The following PDLIM5 variants were observed in gnomAD, a reference collection of about 807,000 sequenced individuals.
The protein encoded by PDLIM5 is PDZ and LIM domain 5, also known as PDZ and LIM domain protein 5.
Under a neutral mutation model 64.2 loss-of-function variants are expected in PDLIM5, and 34 were observed. The ratio of observed to expected loss-of-function variants is 0.53; its 90% confidence interval spans 0.40 to 0.71. The LOEUF (loss-of-function observed/expected upper bound fraction) is 0.71. PDLIM5 is among the 30% of genes least tolerant of loss of function. The probability of loss-of-function intolerance (pLI) is 0.00; values close to 1 mark genes in which losing one functional copy is unlikely to be tolerated. For missense variants in PDLIM5, 683 were observed against 733.6 expected (o/e 0.93, Z 0.80); for synonymous variants, 253 against 269.1 (o/e 0.94, Z 0.59).
chr4:94,611,616 A>G (rs994724253), intron 7 of PDLIM5, among the ~76,000 whole-genome samples: 2 of 152,200 alleles, frequency 1.3e-5, no homozygotes, highest in African/African-American at 4.8e-5. Context: ...GTTAAATATG[A>G]AGGTTTTGCT....
intron 9 of PDLIM5, among the ~76,000 whole-genome samples, chr4:94,644,259 C>T (rs1488371395): frequency 1.3e-5 from 2 of 152,184 alleles, no homozygotes; most frequent in Admixed American, 6.5e-5. Context: ...AGAGAAGTTA[C>T]GTATTTGTTT....
chr4:94,493,563 A>C (rs1225978085), intron 2 of PDLIM5, among the ~76,000 whole-genome samples: 1 of 152,154 alleles, frequency 6.6e-6, no homozygotes, highest in Non-Finnish European at 1.5e-5. Flanking sequence ...CTGAATAATA[A>C]TTTCTTGAAT....
chr4:94,524,463 T>C (rs930823033), intron 3 of PDLIM5, among the ~76,000 whole-genome samples: 4 of 151,954 alleles, frequency 2.6e-5, no homozygotes, highest in African/African-American at 9.7e-5. Flanking sequence ...CTAAGAATTC[T>C]TTCTGTTAGG....
At chr4:94,659,900 CTT>C (rs11424534) in intron 11 of PDLIM5, among the ~76,000 whole-genome samples, 4 of 140,994 alleles carry the variant, frequency 2.8e-5, no homozygotes, top group Non-Finnish European at 3.1e-5. Context: ...AAAAATTACA[CTT>C]TTTTTTTTTT....
At chr4:94,456,525 T>C (rs971871244) in intron 2 of PDLIM5, 36 of 714,354 alleles carry the variant, frequency 5.0e-5, no homozygotes, top group South Asian at 2.1e-4. Context: ...TGCTTTTTTT[T>C]GCAACAATTT....
At chr4:94,596,848 A>G (rs758377973) in intron 7 of PDLIM5, among the ~76,000 whole-genome samples, 6 of 152,124 alleles carry the variant, frequency 3.9e-5, no homozygotes, top group Non-Finnish European at 7.4e-5. Flanking sequence ...TTAAAGAACT[A>G]TCTACAAATT....
At chr4:94,520,488 A>G (rs1338680328) in intron 2 of PDLIM5, among the ~76,000 whole-genome samples, 2 of 152,206 alleles carry the variant, frequency 1.3e-5, no homozygotes, top group South Asian at 2.1e-4. Context: ...TATGCAAATG[A>G]TGAATGACTT....
chr4:94,472,435 A>G (rs1724964857), intron 2 of PDLIM5, among the ~76,000 whole-genome samples: 1 of 152,188 alleles, frequency 6.6e-6, no homozygotes, highest in Non-Finnish European at 1.5e-5. Context: ...AGTAGCATGA[A>G]ACACAGTATT....
chr4:94,659,566 C>A (rs1031134279), intron 11 of PDLIM5, among the ~76,000 whole-genome samples: 1 of 151,456 alleles, frequency 6.6e-6, no homozygotes, highest in Non-Finnish European at 1.5e-5. Context: ...CTTGCTCTGT[C>A]GCCCAGGCTG....
intron 7 of PDLIM5, chr4:94,607,933 A>G: frequency 3.8e-6 from 2 of 533,294 alleles, no homozygotes; most frequent in Non-Finnish European, 6.1e-6. Context: ...GTGAAGTAAA[A>G]GAAAACCAAT....
chr4:94,466,571 CA>C (rs946860303), intron 2 of PDLIM5, among the ~76,000 whole-genome samples: 10 of 149,452 alleles, frequency 6.7e-5, no homozygotes, highest in South Asian at 2.1e-4. Context: ...TTTGTAAAAA[CA>C]AAAAAAAAAT....
chr4:94,630,855 A>G (rs1740090854), intron 8 of PDLIM5, among the ~76,000 whole-genome samples: 1 of 152,190 alleles, frequency 6.6e-6, no homozygotes, highest in Non-Finnish European at 1.5e-5. Context: ...TCACACCAAT[A>G]TGAAGTTTGT....
chr4:94,567,672 A>T (rs554456780), intron 3 of PDLIM5, among the ~76,000 whole-genome samples: 44 of 152,248 alleles, frequency 2.9e-4, no homozygotes, highest in Non-Finnish European at 4.3e-4. Flanking sequence ...AGGATTTTTT[A>T]AAAAAATAAT....
At position 94,528,544 on chromosome 4, in the gene PDLIM5, A is replaced by G. The variant is rs185094306; in HGVS notation, c.248+4669A>G. Among the ~76,000 whole-genome samples, 117 of 152,270 alleles carry G rather than the reference A, an allele frequency of 7.7e-4. 1 individual carries two copies. Among genetic ancestry groups the G allele is most frequent in the Admixed American group, 5.7e-3 (87 of 15,276 alleles). ...CTATTTGTATTTGATAGCATCTTGT[A>G]TAGTAGTCTGTTTTTGATAGGCACC... On this transcript the variant is annotated intron_variant, in intron 3 of 12. Coordinates refer to ENST00000317968, the MANE Select transcript of PDLIM5 (RefSeq NM_006457.5).
Position 94,621,258 on chromosome 4 carries a change from ATAT to A in PDLIM5, c.1108+3073_1108+3075del, listed in dbSNP as rs373767721. Among the ~76,000 whole-genome samples the A allele has an allele frequency of 5.6e-3, 858 of 152,236 alleles. 4 individuals carry two copies. Among genetic ancestry groups the A allele is most frequent in the Admixed American group, 8.3e-3 (126 of 15,272 alleles). On this transcript the variant is annotated intron_variant, in intron 8 of 12. Transcript: ENST00000317968. ...GGACTACTAAAAAACACTTAGTCTAATATTATTAGTCTCTGAAATTTCTGGACT... is the reference window on the plus strand; with the variant it reads ...GGACTACTAAAAAACACTTAGTCTAATATTAGTCTCTGAAATTTCTGGACT...
chr4:94,530,255 C>G (rs1244475887), intron 3 of PDLIM5, among the ~76,000 whole-genome samples: 1 of 151,876 alleles, frequency 6.6e-6, no homozygotes, highest in Non-Finnish European at 1.5e-5. Context: ...TGGATAAGTT[C>G]CCTAGAGCTT....
At chr4:94,585,866 A>T in intron 6 of PDLIM5, 129 bp downstream of exon 6, 1 of 654,384 alleles carries the variant, frequency 1.5e-6, no homozygotes, top group Non-Finnish European at 2.6e-6. Context: ...TGTGCATAAC[A>T]TGGGTAATAT....
intron 8 of PDLIM5, among the ~76,000 whole-genome samples, chr4:94,627,920 T>C (rs184555077): frequency 1.3e-5 from 2 of 152,208 alleles, no homozygotes; most frequent in African/African-American, 4.8e-5. Flanking sequence ...TGGGCAGATA[T>C]CTTATCCTTA....
chr4:94,608,019 T>C, intron 7 of PDLIM5: 1 of 1,418,134 alleles, frequency 7.1e-7, no homozygotes, highest in Non-Finnish European at 9.5e-7. Flanking sequence ...TTTTCATTAA[T>C]ATTTCCTTTG....
Sources: allele counts gnomAD v4.1 joint callset (sites outside exome capture counted in the v4.1 genomes callset), GRCh38; gene constraint gnomAD v4.1.1; transcripts MANE v1.5; gene names NCBI Gene and HGNC (gene_info 2026-07-23, HGNC 2026-07-21).